The following LRRK1 variants were observed in gnomAD, a reference collection of about 807,000 sequenced individuals.
LRRK1 encodes leucine rich repeat kinase 1.
A neutral mutation model predicts 209.1 loss-of-function variants in LRRK1; 113 were observed. The observed-to-expected ratio is 0.54, with a 90% CI of 0.46 to 0.63. The LOEUF is 0.63. Ranked by LOEUF, LRRK1 falls within the 30% of genes least tolerant of loss-of-function variation. The pLI is 0.00. For synonymous variants in LRRK1, 1,144 were observed against 1,099.7 expected, an observed-to-expected ratio of 1.04 and a Z score of -0.80; for missense variants, 2,284 against 2,632.2, an observed-to-expected ratio of 0.87 and a Z score of 2.89.
intron 2 of LRRK1, among the ~76,000 whole-genome samples, chr15:100,947,174 G>T (rs1380210995): frequency 6.6e-6 from 1 of 151,986 alleles, no homozygotes; most frequent in African/African-American, 2.4e-5. Context: ...GGCCAAGATG[G>T]TCTCCATCTC....
At position 101,077,214 on chromosome 15, in the gene LRRK1, A is replaced by T. The variant is rs1356818947; in HGVS notation, c.*8366A>T. The T allele has an allele frequency of 2.0e-5, 3 of 152,236 alleles. No individual in the cohort carries two copies. Among genetic ancestry groups the T allele is most frequent in the African/African-American group, 7.2e-5 (3 of 41,460 alleles). The allele number at this position is 152,236 out of a possible 1,614,324, so 9.4% of individuals were successfully genotyped here. ...AGCTCCTGTATAGACGCTCCTTTTT[A>T]TTAGGCCCCAGTCTCATTCCAGACA... On this transcript the variant is annotated 3_prime_UTR_variant, in exon 34 of 34. Coordinates refer to ENST00000388948, the MANE Select transcript of LRRK1 (RefSeq NM_024652.6).
chr15:100,925,478 C>T (rs751464538), intron 2 of LRRK1, among the ~76,000 whole-genome samples: 18 of 152,154 alleles, frequency 1.2e-4, no homozygotes, highest in Non-Finnish European at 7.3e-5. Flanking sequence ...GTTGTTTACT[C>T]CTACTGAGAG....
At chr15:100,970,987 A>G (rs2030835855) in intron 2 of LRRK1, among the ~76,000 whole-genome samples, 1 of 152,132 alleles carries the variant, frequency 6.6e-6, no homozygotes, top group African/African-American at 2.4e-5. Flanking sequence ...TATGTGATTC[A>G]TTTTTGTGAG....
intron 2 of LRRK1, among the ~76,000 whole-genome samples, chr15:100,968,814 T>TC (rs1202593505): frequency 5.0e-5 from 7 of 138,850 alleles, no homozygotes; most frequent in African/African-American, 1.9e-4. Flanking sequence ...CCCTTCCCCT[T>TC]CCCTTCCTTT....
chr15:100,941,555 G>A (rs949847962), intron 2 of LRRK1, among the ~76,000 whole-genome samples: 3 of 151,578 alleles, frequency 2.0e-5, no homozygotes. Context: ...GTGCTGGCTT[G>A]GTTAGAGGAG....
At position 100,983,681 on chromosome 15, in the gene LRRK1, T is replaced by C; in HGVS notation, c.415T>C (p.Leu139=). Residue 139 remains leucine (L), a synonymous_variant, in exon 4 of 34, where the codon TTG becomes CTG. Coordinates refer to ENST00000388948, the MANE Select transcript of LRRK1 (RefSeq NM_024652.6). ...YFGHTAVVQE[L]LESLPGPCSP... ...TGGACACACGGCAGTTGTGCAGGAA[T>C]TGCTTGAGTCCTTACCAGGTAAATC... The C allele has an allele frequency of 6.2e-7, 1 of 1,608,598 alleles. No homozygotes were observed. The highest frequency in any genetic ancestry group is 8.5e-7 in the Non-Finnish European group (1 of 1,176,480).
intron 11 of LRRK1, 86 bp from the exon 12 acceptor site, chr15:101,015,240 C>T (rs2033475759): frequency 9.5e-7 from 1 of 1,052,932 alleles, no homozygotes; most frequent in Admixed American, 1.9e-5. Context: ...CTCCCTATCT[C>T]CGTGGCTTGG....
chr15:101,012,632 C>T (rs2033316120), intron 10 of LRRK1, among the ~76,000 whole-genome samples: 1 of 151,746 alleles, frequency 6.6e-6, no homozygotes. Flanking sequence ...AGTGGACCCC[C>T]AGGCAGAGTG....
At position 101,053,073 on chromosome 15, in the gene LRRK1, GC is replaced by G; in HGVS notation, c.3842del (p.Ala1281ValfsTer9). The G allele has an allele frequency of 6.2e-7, 1 of 1,608,888 alleles. No homozygotes were observed. The highest frequency in any genetic ancestry group is 8.5e-7 in the Non-Finnish European group (1 of 1,176,562). On this transcript the variant is annotated frameshift_variant, in exon 25 of 34. Coordinates refer to ENST00000388948, the MANE Select transcript of LRRK1 (RefSeq NM_024652.6). LOFTEE classifies it high-confidence loss of function. ...RFHIKKFKNF[A>X]NVPADTMLRH... The stretch of plus-strand genomic sequence containing the variant: ...CCACATCAAAAAATTCAAGAACTTT[GC>G]TAACGTACCGGCAGGTAAGCGGGTC...
At chr15:101,018,116 A>G (rs528173206) in intron 12 of LRRK1, among the ~76,000 whole-genome samples, 1 of 151,992 alleles carries the variant, frequency 6.6e-6, no homozygotes, top group South Asian at 2.1e-4. Flanking sequence ...TTTGCAACAC[A>G]AATTGTTGCA....
chr15:101,018,187 A>G (rs1228509539), intron 12 of LRRK1, among the ~76,000 whole-genome samples: 1 of 151,726 alleles, frequency 6.6e-6, no homozygotes, highest in Non-Finnish European at 1.5e-5. Flanking sequence ...TTAAAAAAAA[A>G]AAAAAAAAAG....
chr15:100,934,757 C>T (rs764116482), intron 2 of LRRK1, among the ~76,000 whole-genome samples: 3 of 138,634 alleles, frequency 2.2e-5, no homozygotes, highest in Admixed American at 1.5e-4. Flanking sequence ...GAGCAGAGAT[C>T]ACACCACTGC....
Position 101,051,881 on chromosome 15 carries a change from T to C in LRRK1, c.3610T>C (p.Ser1204Pro). The change falls in exon 24 of 34, where the codon TCC becomes CCC. Residue 1204 changes from serine to proline, a missense_variant. Ser to Pro is a moderately conservative substitution (Grantham distance 74). This residue lies in a region of LRRK1 where 780 missense variants were observed against 985.2 expected (regional missense o/e 0.79). Coordinates refer to ENST00000388948, the MANE Select transcript of LRRK1 (RefSeq NM_024652.6). The stretch of plus-strand genomic sequence containing the variant: ...GACGGCCATCGAGCGGGACTTCATC[T>C]CCTGCCCCAGACACCCGGACCTCCC... ...VLTAIERDFI[S>P]CPRHPDLPVP... 1 of 1,614,080 alleles carries C rather than the reference T, an allele frequency of 6.2e-7. No individual in the cohort carries two copies. The highest frequency in any genetic ancestry group is 8.5e-7 in the Non-Finnish European group (1 of 1,180,030).
Position 101,005,070 on chromosome 15 carries a change from G to A in LRRK1, c.763-3767G>A, listed in dbSNP as rs192573120. ...CATACGGAAAGACCATAATGGCCAC[G>A]CAGAGTGAGTGGAGAGGGTTGGATT... On this transcript the variant is annotated intron_variant, in intron 6 of 33. Coordinates refer to ENST00000388948, the MANE Select transcript of LRRK1 (RefSeq NM_024652.6). Among the ~76,000 whole-genome samples the A allele has an allele frequency of 5.3e-5, 8 of 152,186 alleles. No homozygotes were observed. The East Asian group carries it at 7.7e-4, about 15-fold the overall frequency.
At chr15:101,004,470 T>C (rs960862460) in intron 6 of LRRK1, among the ~76,000 whole-genome samples, 1 of 152,072 alleles carries the variant, frequency 6.6e-6, no homozygotes, top group Admixed American at 6.5e-5. Context: ...CAAACACTGA[T>C]TTAGTGTCTG....
intron 2 of LRRK1, among the ~76,000 whole-genome samples, chr15:100,971,917 C>A (rs1004955587): frequency 6.6e-6 from 1 of 152,016 alleles, no homozygotes; most frequent in African/African-American, 2.4e-5. Flanking sequence ...TTATTTCACT[C>A]AAGATAATGA....
intron 1 of LRRK1, among the ~76,000 whole-genome samples, chr15:100,920,617 A>C (rs1269548442): frequency 6.6e-6 from 1 of 151,660 alleles, no homozygotes; most frequent in Non-Finnish European, 1.5e-5. Flanking sequence ...TCTATGTCTA[A>C]AATGTGTCCT....
intron 2 of LRRK1, among the ~76,000 whole-genome samples, chr15:100,970,880 G>T (rs956048061): frequency 6.6e-6 from 1 of 152,000 alleles, no homozygotes; most frequent in Non-Finnish European, 1.5e-5. Context: ...TGTTTTCAGC[G>T]TACAGATCTT....
intron 2 of LRRK1, among the ~76,000 whole-genome samples, chr15:100,949,248 C>G (rs1009484090): frequency 3.9e-5 from 6 of 152,086 alleles, no homozygotes; most frequent in African/African-American, 1.4e-4. Flanking sequence ...ATACTGTGAA[C>G]AATTTGCACC....
Sources: allele counts gnomAD v4.1 joint callset (sites outside exome capture counted in the v4.1 genomes callset), GRCh38; gene constraint gnomAD v4.1.1; regional missense constraint gnomAD v4.1.1; transcripts MANE v1.5; gene names NCBI Gene and HGNC (gene_info 2026-07-23, HGNC 2026-07-21).